GPM6B: variants seen among roughly 807,000 people sequenced by gnomAD.
GPM6B encodes the protein neuronal membrane glycoprotein M6-b.
Under a neutral mutation model 27.2 loss-of-function variants are expected in GPM6B, and 4 were observed. That is an observed-to-expected ratio of 0.15 (90% CI 0.07 to 0.34). The LOEUF (loss-of-function observed/expected upper bound fraction) is 0.34. Ranked by LOEUF, GPM6B falls within the 10% of genes least tolerant of loss-of-function variation. The pLI is 1.00. For missense variants in GPM6B, 183 were observed against 261.9 expected (o/e 0.70, Z 2.08); for synonymous variants, 124 against 103.1 (o/e 1.20, Z -1.23).
intron 4 of GPM6B, among the ~76,000 whole-genome samples, chrX:13,782,839 C>G (rs968059671): frequency 9.1e-6 from 1 of 110,369 alleles, no homozygotes; most frequent in Non-Finnish European, 1.9e-5. Context: ...ATTTGGCCCA[C>G]AGCCCCTAGT....
chrX:13,792,686 G>A (rs1426740422), intron 2 of GPM6B, among the ~76,000 whole-genome samples: 1 of 111,447 alleles, frequency 9.0e-6, no homozygotes, highest in Non-Finnish European at 1.9e-5. Context: ...CAGATCACGA[G>A]GTCAGGAGAT....
chrX:13,810,569 G>C (rs1314685894), intron 1 of GPM6B, among the ~76,000 whole-genome samples: 1 of 110,672 alleles, frequency 9.0e-6, no homozygotes, highest in Non-Finnish European at 1.9e-5. Context: ...CTCTGCAGAA[G>C]ATTCATCCAT....
chrX:13,785,773 C>A lies in GPM6B; in HGVS notation c.217G>T (p.Val73Phe). Residue 73 changes from valine to phenylalanine, a missense_variant, in exon 3 of 8, where the codon GTC (valine) becomes TTC (phenylalanine). Coordinates refer to ENST00000316715, the MANE Select transcript of GPM6B (RefSeq NM_001001995.3). Reference sequence around the variant, plus strand: ...GTGGCCACCAGGGAGGCGTAGGGGACTCCTCCCAGACACTTGATGCAGCAT... The same window carrying A: ...GTGGCCACCAGGGAGGCGTAGGGGAATCCTCCCAGACACTTGATGCAGCAT... ...FECCIKCLGG[V>F]PYASLVATIL... 8.3e-7 allele frequency: 1 copy of A among 1,211,085 alleles called. No homozygotes were observed. The highest frequency in any genetic ancestry group is 1.1e-6 in the Non-Finnish European group (1 of 894,976).
In GPM6B at chrX:13,861,005, TACACACACAC is replaced by T. The variant is rs55808485; in HGVS notation, c.-197-75207_-197-75198del. Among the ~76,000 whole-genome samples, 622 of 79,262 alleles carry T rather than the reference TACACACACAC, an allele frequency of 7.8e-3. 2 individuals are homozygous for T. Among genetic ancestry groups the T allele is most frequent in the African/African-American group, 0.019 (305 of 16,340 alleles). The allele number at this position is 79,262 out of a possible 115,157, so 68.8% of individuals were successfully genotyped here. A position where few individuals can be genotyped will look rare whatever the true frequency, so the allele number is the denominator to read the frequency against. ...GAGTATTCCACAGAATGAATGTGCA[TACACACACAC>T]ACACACACACACACACACACACACA... On this transcript the variant is annotated intron_variant, in intron 1 of 6. Coordinates refer to the GPM6B transcript ENST00000398361.
chrX:13,901,157 CTCTT>C (rs1569295485), intron 1 of GPM6B, among the ~76,000 whole-genome samples: 1 of 111,850 alleles, frequency 8.9e-6, no homozygotes, highest in African/African-American at 3.2e-5. Flanking sequence ...CATAATCCTT[CTCTT>C]TCTAAGAGGT....
In GPM6B at chrX:13,861,127, CAT is replaced by C. The variant is rs749551591; in HGVS notation, c.-197-75321_-197-75320del. Among the ~76,000 whole-genome samples, 69 of 95,291 alleles carry C rather than the reference CAT, an allele frequency of 7.2e-4. 1 individual carries two copies. The highest frequency in any genetic ancestry group is 2.3e-3 in the African/African-American group (54 of 23,317). The allele number at this position is 95,291 out of a possible 115,157, so 82.7% of individuals were successfully genotyped here. ...ATATACACACATATATATACACATA[CAT>C]ATATATATAATATACATATATACAT... On this transcript the variant is annotated intron_variant, in intron 1 of 6. Coordinates refer to the GPM6B transcript ENST00000398361.
intron 1 of GPM6B, among the ~76,000 whole-genome samples, chrX:13,863,160 T>C (rs938625244): frequency 2.7e-5 from 3 of 111,712 alleles, no homozygotes; most frequent in African/African-American, 9.8e-5. Flanking sequence ...TGATAAAGGG[T>C]CTTGAACATT....
At chrX:13,935,206 G>C (rs1921765033) in intron 1 of GPM6B, among the ~76,000 whole-genome samples, 1 of 110,468 alleles carries the variant, frequency 9.1e-6, no homozygotes, top group African/African-American at 3.3e-5. Flanking sequence ...CATTTAAAAT[G>C]ATAGGCAATT....
chrX:13,931,070 G>T (rs1397929000), intron 1 of GPM6B, among the ~76,000 whole-genome samples: 1 of 111,361 alleles, frequency 9.0e-6, no homozygotes, highest in Non-Finnish European at 1.9e-5. Context: ...TGTAATCCCA[G>T]TTACTTTGGA....
intron 1 of GPM6B, among the ~76,000 whole-genome samples, chrX:13,905,211 G>T (rs2050317697): frequency 1.1e-5 from 1 of 88,834 alleles, no homozygotes; most frequent in Admixed American, 1.5e-4. Context: ...AGACTGGGCA[G>T]CAGAGTGAGG....
At chrX:13,856,805 T>C (rs1335777330) in intron 1 of GPM6B, among the ~76,000 whole-genome samples, 1 of 108,256 alleles carries the variant, frequency 9.2e-6, no homozygotes, top group African/African-American at 3.4e-5. Flanking sequence ...GCTCATGCAA[T>C]CCCCCTGCCG....
chrX:13,865,360 T>C (rs1156453132), intron 1 of GPM6B, among the ~76,000 whole-genome samples: 3 of 107,686 alleles, frequency 2.8e-5, no homozygotes, highest in Admixed American at 2.0e-4. Context: ...AAGCAGTTCA[T>C]GACATTGTGA....
rs776108503 is a variant in GPM6B at position 13,816,877 on chromosome X, C to T, written c.28G>A (p.Glu10Lys). The T allele has an allele frequency of 1.7e-6, 2 of 1,208,649 alleles. No homozygotes were observed. Among genetic ancestry groups the T allele is most frequent in the Admixed American group, 2.2e-5 (1 of 45,638 alleles). The change falls in exon 1 of 8, where the codon GAG becomes AAG. Residue 10 changes from glutamate (E) to lysine (K), a missense_variant. By Grantham distance (56) the Glu-to-Lys change is moderately conservative. Transcript: ENST00000316715. MKPAMETAA[E>K]ENTEQSQERK... ...TCTTGGCTTTGTTCAGTATTTTCCT[C>T]GGCTGCAGTTTCCATGGCTGGCTTC...
At chrX:13,915,975 A>T (rs1307751949) in intron 1 of GPM6B, among the ~76,000 whole-genome samples, 1 of 111,981 alleles carries the variant, frequency 8.9e-6, no homozygotes. Flanking sequence ...CATTTGGAAC[A>T]TATCTAATAA....
chrX:13,823,048 T>C (rs142444427), intron 1 of GPM6B, among the ~76,000 whole-genome samples: 1 of 112,219 alleles, frequency 8.9e-6, no homozygotes, highest in Non-Finnish European at 1.9e-5. Context: ...TTTCATCCAA[T>C]GTGGGTTTTT....
intron 1 of GPM6B, among the ~76,000 whole-genome samples, chrX:13,886,391 TGTGA>T (rs968457599): frequency 2.7e-5 from 3 of 110,972 alleles, no homozygotes; most frequent in Non-Finnish European, 3.8e-5. Context: ...TTTATAGTAC[TGTGA>T]GTATCAGGAT....
intron 1 of GPM6B, among the ~76,000 whole-genome samples, chrX:13,842,734 A>G (rs932965434): frequency 4.7e-5 from 5 of 107,481 alleles, no homozygotes; most frequent in Non-Finnish European, 9.4e-5. Context: ...TTTTTAAAAG[A>G]AAAAAAATTT....
chrX:13,920,136 A>G lies in GPM6B; in HGVS notation c.-198+18191T>C, dbSNP rs762518681. Among the ~76,000 whole-genome samples the G allele has an allele frequency of 3.7e-5, 4 of 108,671 alleles. No homozygotes were observed. In the South Asian group the frequency reaches 1.6e-3, roughly 44 times the overall value. The allele number at this position is 108,671 out of a possible 115,157, so 94.4% of individuals were successfully genotyped here. A position where few individuals can be genotyped will look rare whatever the true frequency, so the allele number is the denominator to read the frequency against. On this transcript the variant is annotated intron_variant, in intron 1 of 6. Coordinates refer to the GPM6B transcript ENST00000398361. ...AAACTAGCCAGGCGTGGTGGCACGCACCTATAATCCCAGCTAGCTACTCGG... is the reference window on the plus strand; with the variant it reads ...AAACTAGCCAGGCGTGGTGGCACGCGCCTATAATCCCAGCTAGCTACTCGG...
At chrX:13,858,523 T>C (rs752151312) in intron 1 of GPM6B, among the ~76,000 whole-genome samples, 10 of 111,608 alleles carry the variant, frequency 9.0e-5, no homozygotes, top group Admixed American at 2.9e-4. Flanking sequence ...TAAGAACCAG[T>C]ACACACAAGC....
Sources: allele counts gnomAD v4.1 joint callset (sites outside exome capture counted in the v4.1 genomes callset), GRCh38; gene constraint gnomAD v4.1.1; transcripts MANE v1.5; gene names NCBI Gene and HGNC (gene_info 2026-07-23, HGNC 2026-07-21).